The following SMCHD1 variants were observed in gnomAD, a reference collection of about 807,000 sequenced individuals.
The protein encoded by SMCHD1 is structural maintenance of chromosomes flexible hinge domain containing 1.
A neutral mutation model predicts 254.7 loss-of-function variants in SMCHD1; 78 were observed. The ratio of observed to expected loss-of-function variants is 0.31; its 90% CI spans 0.26 to 0.37. The LOEUF is 0.37. SMCHD1 is among the 10% of genes least tolerant of loss of function. The pLI is 1.00. For synonymous variants in SMCHD1, 766 were observed against 794.9 expected, an observed-to-expected ratio of 0.96 and a Z score of 0.61; for missense variants, 1,840 against 2,408.1, an observed-to-expected ratio of 0.76 and a Z score of 4.94.
chr18:2,670,668 C>T lies in SMCHD1; in HGVS notation c.425-2613C>T, dbSNP rs1237509564. On this transcript the variant is annotated intron_variant, in intron 3 of 47. Coordinates refer to ENST00000320876, the MANE Select transcript of SMCHD1 (RefSeq NM_015295.3). ...GTAATCCCAGCACTTTGGGAAGCCC[C>T]GGCGGGCAGATTACTTGAGGTCAGG... Among the ~76,000 whole-genome samples the T allele has an allele frequency of 4.6e-5, 7 of 152,036 alleles. No individual in the cohort carries two copies. The East Asian group carries it at 9.8e-4, about 21-fold the overall frequency.
intron 19 of SMCHD1, among the ~76,000 whole-genome samples, chr18:2,720,818 T>C (rs935046004): frequency 6.6e-6 from 1 of 152,210 alleles, no homozygotes; most frequent in East Asian, 1.9e-4. Flanking sequence ...GGTCTCACTA[T>C]GTTACCCATG....
intron 44 of SMCHD1, among the ~76,000 whole-genome samples, chr18:2,783,577 T>C (rs1483423524): frequency 6.6e-6 from 1 of 152,128 alleles, no homozygotes; most frequent in Non-Finnish European, 1.5e-5. Context: ...GAAGAATTTC[T>C]TTCTTTTTTT....
At chr18:2,796,688 C>G in intron 47 of SMCHD1, 167 bp downstream of exon 47, 1 of 564,032 alleles carries the variant, frequency 1.8e-6, no homozygotes, top group Non-Finnish European at 3.1e-6. Flanking sequence ...CCACGGGATT[C>G]TTGTGCCTCA....
In SMCHD1 at chr18:2,732,281, C is replaced by T; in HGVS notation, c.3065C>T (p.Ala1022Val). ...RIEIPSCKDV[A>V]PVEKTIKLLP... Reference sequence around the variant, plus strand: ...TCTTTCTAGAGTTGTAAAGATGTGGCACCTGTGGAGAAGACTATTAAGTTG... The same window carrying T: ...TCTTTCTAGAGTTGTAAAGATGTGGTACCTGTGGAGAAGACTATTAAGTTG... Residue 1022 changes from alanine (A) to valine (V), a missense_variant, in exon 25 of 48, where the codon GCA becomes GTA. Physicochemically the swap from Ala to Val is moderately conservative, Grantham distance 64. Transcript: ENST00000320876. 6.2e-7 allele frequency: 1 copy of T among 1,613,274 alleles called. No individual in the cohort carries two copies. Among genetic ancestry groups the T allele is most frequent in the South Asian group, 1.1e-5 (1 of 91,012 alleles).
intron 3 of SMCHD1, among the ~76,000 whole-genome samples, chr18:2,669,240 A>G (rs2073528532): frequency 6.6e-6 from 1 of 152,108 alleles, no homozygotes; most frequent in Non-Finnish European, 1.5e-5. Context: ...GCTACTTGGG[A>G]GGCAGAGGCA....
At chr18:2,732,882 T>C (rs570416725) in intron 25 of SMCHD1, among the ~76,000 whole-genome samples, 15 of 152,316 alleles carry the variant, frequency 9.8e-5, no homozygotes, top group African/African-American at 3.6e-4. Context: ...TGAAACAGTG[T>C]TGTTAACTAC....
At chr18:2,755,571 T>TC (rs1205743302) in intron 34 of SMCHD1, among the ~76,000 whole-genome samples, 12 of 140,734 alleles carry the variant, frequency 8.5e-5, no homozygotes, top group Non-Finnish European at 1.6e-4. Flanking sequence ...CTTTCTTTTT[T>TC]TTTTTTTTTT....
At position 2,755,861 on chromosome 18, in the gene SMCHD1, T is replaced by C. The variant is rs62077670; in HGVS notation, c.4346+3309T>C. ...GGATTACAGGTGTGAATCACCGCCC[T>C]CGGCCGTGTATTTTCTTTTTCTTAT... On this transcript the variant is annotated intron_variant, in intron 34 of 47. Transcript: ENST00000320876. Among the ~76,000 whole-genome samples the C allele has an allele frequency of 3.2e-3, 484 of 152,150 alleles. 3 individuals carry two copies. Among genetic ancestry groups the C allele is most frequent in the Admixed American group, 8.8e-3 (134 of 15,282 alleles).
intron 12 of SMCHD1, among the ~76,000 whole-genome samples, chr18:2,702,487 G>C (rs1031479064): frequency 6.6e-6 from 1 of 152,074 alleles, no homozygotes; most frequent in East Asian, 1.9e-4. Context: ...AATCCATCCT[G>C]AGAGTTTTAG....
intron 45 of SMCHD1, among the ~76,000 whole-genome samples, chr18:2,789,489 TGAAAA>T (rs1290954794): frequency 6.9e-6 from 1 of 145,630 alleles, no homozygotes; most frequent in African/African-American, 2.6e-5. Flanking sequence ...ACCTGTGGAA[TGAAAA>T]GAAAAAAGTG....
At chr18:2,755,561 C>CTT (rs1293417942) in intron 34 of SMCHD1, among the ~76,000 whole-genome samples, 1 of 122,754 alleles carries the variant, frequency 8.1e-6, no homozygotes, top group Non-Finnish European at 1.7e-5. Context: ...CTTTTTCTTT[C>CTT]TTTCTTTTTT....
At position 2,697,926 on chromosome 18, in the gene SMCHD1, T is replaced by C. The variant is rs1487006525; in HGVS notation, c.1227T>C (p.Asp409=). The change falls in exon 10 of 48, where the codon GAT becomes GAC. Residue 409 remains aspartate (D), a synonymous_variant. Transcript: ENST00000320876. Reference sequence around the variant, plus strand: ...CGTTGTATGTAAACACAGCAGCTGATAGTTTTGAATTCAAAGCTCATGTTG... The same window carrying C: ...CGTTGTATGTAAACACAGCAGCTGACAGTTTTGAATTCAAAGCTCATGTTG... ...MQTLYVNTAA[D]SFEFKAHVEG... 6.2e-7 allele frequency: 1 copy of C among 1,613,422 alleles called. No individual in the cohort carries two copies. Among genetic ancestry groups the C allele is most frequent in the Non-Finnish European group, 8.5e-7 (1 of 1,179,542 alleles).
intron 34 of SMCHD1, among the ~76,000 whole-genome samples, chr18:2,757,789 A>T (rs1373029389): frequency 6.6e-6 from 1 of 152,016 alleles, no homozygotes; most frequent in South Asian, 2.1e-4. Flanking sequence ...TCCAAGTATG[A>T]ACGAAGATTT....
At position 2,714,456 on chromosome 18, in the gene SMCHD1, T is replaced by TA. The variant is rs372290371; in HGVS notation, c.2261-3700dup. ...AGTCTATATCTTTTAGGTAGAACATTAATTGATTTACATTCAAGGTTAGTA... is the reference window on the plus strand; with the variant it reads ...AGTCTATATCTTTTAGGTAGAACATTAAATTGATTTACATTCAAGGTTAGTA... On this transcript the variant is annotated intron_variant, in intron 17 of 47. Coordinates refer to ENST00000320876, the MANE Select transcript of SMCHD1 (RefSeq NM_015295.3). Among the ~76,000 whole-genome samples the TA allele has an allele frequency of 5.6e-3, 848 of 152,246 alleles. 7 individuals carry two copies. The highest frequency in any genetic ancestry group is 0.02 in the African/African-American group (813 of 41,538).
chr18:2,719,732 A>G lies in SMCHD1; in HGVS notation c.2458+1298A>G, dbSNP rs150958690. On this transcript the variant is annotated intron_variant, in intron 19 of 47. Coordinates refer to ENST00000320876, the MANE Select transcript of SMCHD1 (RefSeq NM_015295.3). ...CTCTTGTTGCCCAGGCTGGAGTGCA[A>G]TGGTGTGATCTCGGCTCACTGCAAC... is the stretch of plus-strand genomic sequence containing the variant. Among the ~76,000 whole-genome samples the G allele has an allele frequency of 7.4e-4, 110 of 149,366 alleles. 2 individuals are homozygous for G. In the East Asian group the frequency reaches 0.02, roughly 27 times the overall value.
Position 2,718,276 on chromosome 18 carries a change from G to A in SMCHD1, c.2339-39G>A. 2 of 1,608,948 alleles carry A rather than the reference G, an allele frequency of 1.2e-6. No homozygotes were observed. The highest frequency in any genetic ancestry group is 2.2e-5 in the East Asian group (1 of 44,730). ...GAATGTTAAAAAATACATTGGTATT[G>A]TGTTGACTTGATTTTTAATTTCTTC... On this transcript the variant is annotated intron_variant, in intron 18 of 47. Transcript: ENST00000320876. This position sits in a 1 kb window ranked among gnomAD's most constrained non-coding sequence, Gnocchi z 4.6.
intron 13 of SMCHD1, 90 bp from the exon 14 acceptor site, chr18:2,705,604 A>T: frequency 2.0e-6 from 1 of 508,642 alleles, no homozygotes; most frequent in Non-Finnish European, 3.3e-6. Context: ...TCTTTGTAAT[A>T]AAGAAGTTCT....
In SMCHD1 at chr18:2,804,012, C is replaced by T. The variant is rs993811112; in HGVS notation, c.*1460C>T. 3 of 152,136 alleles carry T rather than the reference C, an allele frequency of 2.0e-5. No individual in the cohort carries two copies. Among genetic ancestry groups the T allele is most frequent in the African/African-American group, 7.2e-5 (3 of 41,434 alleles). 9.4% of individuals were successfully genotyped at this position (152,136 alleles called of 1,614,324 possible). Reference sequence around the variant, plus strand: ...CGCTCAAATGTTTTGAATTTTGGAACATTTCTTGTTTCTGACTTTTAGATT... The same window carrying T: ...CGCTCAAATGTTTTGAATTTTGGAATATTTCTTGTTTCTGACTTTTAGATT... On this transcript the variant is annotated 3_prime_UTR_variant, in exon 48 of 48. Coordinates refer to ENST00000320876, the MANE Select transcript of SMCHD1 (RefSeq NM_015295.3).
In SMCHD1 at chr18:2,688,700, G is replaced by A; in HGVS notation, c.826G>A (p.Glu276Lys). The change falls in exon 7 of 48, where the codon GAG becomes AAG. Residue 276 changes from glutamate to lysine, a missense_variant. Physicochemically the swap from Glu to Lys is moderately conservative, Grantham distance 56. This residue lies in a region of SMCHD1 where 498 missense variants were observed against 743.5 expected (regional missense o/e 0.67). Coordinates refer to ENST00000320876, the MANE Select transcript of SMCHD1 (RefSeq NM_015295.3). ...VLSKEDFEKK[E>K]KNKEAIYSGY... is the part of the protein sequence containing the mutation. ...TTCTAAAGAAGATTTTGAGAAGAAG[G>A]AGAAAAATAAAGAGGCAATATATAG... is the stretch of plus-strand genomic sequence containing the variant. The A allele has an allele frequency of 6.6e-7, 1 of 1,520,308 alleles. No homozygotes were observed. Among genetic ancestry groups the A allele is most frequent in the East Asian group, 2.4e-5 (1 of 41,518 alleles). The allele number at this position is 1,520,308 out of a possible 1,614,324, so 94.2% of individuals were successfully genotyped here.
Sources: allele counts gnomAD v4.1 joint callset (sites outside exome capture counted in the v4.1 genomes callset), GRCh38; gene constraint gnomAD v4.1.1; regional missense constraint gnomAD v4.1.1; non-coding constraint Gnocchi (gnomAD v3.1); transcripts MANE v1.5; gene names NCBI Gene and HGNC (gene_info 2026-07-23, HGNC 2026-07-21).